KIF13A: variants seen among roughly 807,000 people sequenced by gnomAD.
KIF13A encodes the protein kinesin-like protein KIF13A.
A neutral mutation model predicts 212.2 loss-of-function variants in KIF13A; 79 were observed. The ratio of observed to expected loss-of-function variants is 0.37; its 90% CI spans 0.31 to 0.45. KIF13A has a LOEUF of 0.45. KIF13A is among the 20% of genes least tolerant of loss of function. The probability of loss-of-function intolerance (pLI) is 1.00; values close to 1 mark genes in which losing one functional copy is unlikely to be tolerated. For missense variants in KIF13A, 1,901 were observed against 2,209.0 expected (o/e 0.86, Z 2.79); for synonymous variants, 789 against 808.6 (o/e 0.98, Z 0.41).
chr6:17,871,840 G>T lies in KIF13A; in HGVS notation c.220+1537C>A, dbSNP rs548435703. Among the ~76,000 whole-genome samples, 5 of 152,164 alleles carry T rather than the reference G, an allele frequency of 3.3e-5. No individual in the cohort carries two copies. The highest frequency in any genetic ancestry group is 4.8e-5 in the African/African-American group (2 of 41,442). ...TCTTGAGTAACATAAATTGAACACG[G>T]TTAATGACGGGTTTGTATAACCATA... On this transcript the variant is annotated intron_variant, in intron 4 of 38. Coordinates refer to ENST00000259711, the MANE Select transcript of KIF13A (RefSeq NM_022113.6). This position sits in a 1 kb window ranked among gnomAD's most constrained non-coding sequence, Gnocchi z 4.4.
rs1347412244 is a variant in KIF13A at position 17,912,074 on chromosome 6, C to T, written c.147-13894G>A. Among the ~76,000 whole-genome samples, 1 of 152,106 alleles carries T rather than the reference C, an allele frequency of 6.6e-6. No individual in the cohort carries two copies. Among genetic ancestry groups the T allele is most frequent in the African/African-American group, 2.4e-5 (1 of 41,426 alleles). On this transcript the variant is annotated intron_variant, in intron 2 of 38. Coordinates refer to ENST00000259711, the MANE Select transcript of KIF13A (RefSeq NM_022113.6). The surrounding 1 kb of genome is among the most constrained non-coding windows in gnomAD (Gnocchi z 4.2). ...GCACCGGCCATCAATAATAATTTAACTGTACATTTAAAAATAACTAAAAGA... is the reference window on the plus strand; with the variant it reads ...GCACCGGCCATCAATAATAATTTAATTGTACATTTAAAAATAACTAAAAGA...
intron 9 of KIF13A, among the ~76,000 whole-genome samples, chr6:17,841,763 G>A (rs1184381786): frequency 6.6e-6 from 1 of 152,080 alleles, no homozygotes; most frequent in Admixed American, 6.5e-5. Context: ...AGGGTGAGTG[G>A]GACTCAATGG....
In KIF13A at chr6:17,831,497, G is replaced by A. The variant is rs112656445; in HGVS notation, c.1267-262C>T. On this transcript the variant is annotated intron_variant, in intron 12 of 38. Transcript: ENST00000259711. ...TAGAGGGAACAAGACCACATAACTA[G>A]AGCACAAAAGAGGAGAGTGTTGTGC... is the stretch of plus-strand genomic sequence containing the variant. Among the ~76,000 whole-genome samples, 180 of 151,502 alleles carry A rather than the reference G, an allele frequency of 1.2e-3. 1 individual carries two copies. Among genetic ancestry groups the A allele is most frequent in the African/African-American group, 4.2e-3 (172 of 41,106 alleles).
In KIF13A at chr6:17,886,387, A is replaced by G. The variant is rs560811195; in HGVS notation, c.159+11781T>C. 6.6e-6 allele frequency among the ~76,000 whole-genome samples: 1 copy of G among 152,096 alleles called. No homozygotes were observed. The highest frequency in any genetic ancestry group is 1.9e-4 in the East Asian group (1 of 5,178). ...GGCAGTCCAGGGGTTGCAAACATTTACTCCCAGTTAAGTTACGCTGCAAAG... is the reference window on the plus strand; with the variant it reads ...GGCAGTCCAGGGGTTGCAAACATTTGCTCCCAGTTAAGTTACGCTGCAAAG... On this transcript the variant is annotated intron_variant, in intron 3 of 38. Coordinates refer to ENST00000259711, the MANE Select transcript of KIF13A (RefSeq NM_022113.6). This position sits in a 1 kb window ranked among gnomAD's most constrained non-coding sequence, Gnocchi z 5.6.
chr6:17,942,087 C>T (rs1252015102), intron 2 of KIF13A, among the ~76,000 whole-genome samples: 4 of 151,732 alleles, frequency 2.6e-5, no homozygotes, highest in South Asian at 2.1e-4. Flanking sequence ...ACTGCTTCAG[C>T]GCCAAGAGTT....
chr6:17,974,513 G>A (rs182014411), intron 2 of KIF13A, among the ~76,000 whole-genome samples: 1 of 152,284 alleles, frequency 6.6e-6, no homozygotes, highest in East Asian at 1.9e-4. Flanking sequence ...CAGACACTGT[G>A]GAGCAAAGAC....
intron 2 of KIF13A, among the ~76,000 whole-genome samples, chr6:17,930,663 T>C (rs1348639780): frequency 6.6e-6 from 1 of 151,958 alleles, no homozygotes; most frequent in Non-Finnish European, 1.5e-5. Context: ...GGACAGAAAA[T>C]CCAGGGAGTT....
downstream of KIF13A, among the ~76,000 whole-genome samples, chr6:17,763,115 G>T (rs780092229): frequency 1.3e-5 from 2 of 152,168 alleles, no homozygotes; most frequent in Non-Finnish European, 2.9e-5. Context: ...CTCAGAAGCA[G>T]AACATCTCTT....
At chr6:17,981,630 GCC>G (rs1781100079) in intron 2 of KIF13A, among the ~76,000 whole-genome samples, 1 of 151,952 alleles carries the variant, frequency 6.6e-6, no homozygotes, top group African/African-American at 2.4e-5. Flanking sequence ...CACAATGTTG[GCC>G]AGGATGATAT....
chr6:17,825,854 T>G lies in KIF13A; in HGVS notation c.1700A>C (p.Asp567Ala), dbSNP rs748638232. The change falls in exon 16 of 39, where the codon GAT (aspartate) becomes GCT (alanine). Residue 567 changes from aspartate to alanine, a missense_variant. Transcript: ENST00000259711. This position sits in a 1 kb window ranked among gnomAD's most constrained non-coding sequence, Gnocchi z 4.5. ...KETGPPEHDL[D>A]AASEASSEPD... ...TTCAGAGGAAGCCTCACTGGCTGCA[T>G]CCAGGTCATGCTCTGGCGGGCCCGT... 13 of 1,613,978 alleles carry G rather than the reference T, an allele frequency of 8.1e-6. No homozygotes were observed. Among genetic ancestry groups the G allele is most frequent in the Non-Finnish European group, 1.1e-5 (13 of 1,179,854 alleles).
intron 33 of KIF13A, 23 bp downstream of exon 33, chr6:17,778,924 G>C: frequency 1.9e-6 from 3 of 1,557,704 alleles, no homozygotes; most frequent in Non-Finnish European, 2.6e-6. Flanking sequence ...TTTCATCCTC[G>C]GTCCAGATAT....
At chr6:17,882,113 G>A (rs913328785) in intron 3 of KIF13A, 14 of 456,248 alleles carry the variant, frequency 3.1e-5, no homozygotes, top group Non-Finnish European at 4.9e-5. Context: ...AGATGTGAAG[G>A]TGCTTTCAAC....
At position 17,856,194 on chromosome 6, in the gene KIF13A, A is replaced by G; in HGVS notation, c.221-72T>C. The G allele has an allele frequency of 9.6e-7, 1 of 1,040,326 alleles. No homozygotes were observed. The highest frequency in any genetic ancestry group is 1.5e-6 in the Non-Finnish European group (1 of 688,488). 64.4% of individuals were successfully genotyped at this position (1,040,326 alleles called of 1,614,324 possible). ...TCTTGACATATTTGTGTTAGTAACA[A>G]TATTATGTCAATTCAAAAAAATGTT... On this transcript the variant is annotated intron_variant, in intron 4 of 38. Coordinates refer to ENST00000259711, the MANE Select transcript of KIF13A (RefSeq NM_022113.6). The surrounding 1 kb of genome is among the most constrained non-coding windows in gnomAD (Gnocchi z 4.5).
At chr6:17,878,176 A>T (rs1276214237) in intron 3 of KIF13A, among the ~76,000 whole-genome samples, 2 of 152,198 alleles carry the variant, frequency 1.3e-5, no homozygotes, top group Non-Finnish European at 2.9e-5. Flanking sequence ...TGACACAAAA[A>T]TGTAACAGCA....
intron 4 of KIF13A, among the ~76,000 whole-genome samples, chr6:17,861,705 G>A (rs1768802861): frequency 6.6e-6 from 1 of 152,168 alleles, no homozygotes; most frequent in Non-Finnish European, 1.5e-5. Flanking sequence ...ACTTTAGTAA[G>A]TTGACTATTT....
chr6:17,858,142 A>T (rs576498379), intron 4 of KIF13A, among the ~76,000 whole-genome samples: 48 of 147,116 alleles, frequency 3.3e-4, no homozygotes, highest in East Asian at 9.9e-4. Flanking sequence ...TGTGTGTGTG[A>T]GAGAGAGAGA....
At chr6:17,979,376 C>T (rs1412129825) in intron 2 of KIF13A, among the ~76,000 whole-genome samples, 4 of 152,150 alleles carry the variant, frequency 2.6e-5, no homozygotes, top group Non-Finnish European at 5.9e-5. Flanking sequence ...CTACTACCTT[C>T]AATTCTAGCA....
In KIF13A at chr6:17,843,595, T is replaced by A. The variant is rs1409241022; in HGVS notation, c.830+5782A>T. Among the ~76,000 whole-genome samples the A allele has an allele frequency of 2.6e-5, 4 of 152,224 alleles. No individual in the cohort carries two copies. The highest frequency in any genetic ancestry group is 9.7e-5 in the African/African-American group (4 of 41,448). The stretch of plus-strand genomic sequence containing the variant: ...TAGAGCTATCCTGAGATCATGAAGA[T>A]GACATGAACACACATTAAAGTTAGT... On this transcript the variant is annotated intron_variant, in intron 9 of 38. Coordinates refer to ENST00000259711, the MANE Select transcript of KIF13A (RefSeq NM_022113.6). The surrounding 1 kb of genome is among the most constrained non-coding windows in gnomAD (Gnocchi z 5.3).
chr6:17,870,952 T>C (rs1254443102), intron 4 of KIF13A, among the ~76,000 whole-genome samples: 2 of 152,148 alleles, frequency 1.3e-5, no homozygotes, highest in African/African-American at 4.8e-5. Context: ...CATTTTTACT[T>C]TCTTCCATAG....
Sources: allele counts gnomAD v4.1 joint callset (sites outside exome capture counted in the v4.1 genomes callset), GRCh38; gene constraint gnomAD v4.1.1; non-coding constraint Gnocchi (gnomAD v3.1); transcripts MANE v1.5; gene names NCBI Gene and HGNC (gene_info 2026-07-23, HGNC 2026-07-21).